ADGRB2: variants seen among roughly 807,000 people sequenced by gnomAD.
ADGRB2 encodes the protein adhesion G protein-coupled receptor B2.
In ADGRB2, 47 loss-of-function variants were observed where a neutral mutation model predicts 178.7. The ratio of observed to expected loss-of-function variants is 0.26; its 90% confidence interval spans 0.21 to 0.34. ADGRB2 has a LOEUF of 0.34. Among genes scored for constraint, ADGRB2 ranks in the 10% least tolerant of loss-of-function variants. ADGRB2 has a pLI of 1.00. For synonymous variants in ADGRB2, 870 were observed against 912.4 expected (o/e 0.95, Z 0.84); for missense variants, 1,584 against 2,180.8 (o/e 0.73, Z 5.45).
At chr1:31,732,451 G>A in intron 27 of ADGRB2, 66 bp downstream of exon 27, 1 of 1,559,000 alleles carries the variant, frequency 6.4e-7, no homozygotes. Context: ...AAATGGTCTA[G>A]GGCAGGAGGA....
chr1:31,739,041 A>C, intron 15 of ADGRB2, 104 bp from the exon 16 acceptor site: 1 of 1,081,726 alleles, frequency 9.2e-7, no homozygotes, highest in East Asian at 2.4e-5. Flanking sequence ...CAAGGAGCCA[A>C]GGCCCAGGGG....
chr1:31,729,640 C>T (rs1645175870), intron 29 of ADGRB2, among the ~76,000 whole-genome samples: 1 of 152,210 alleles, frequency 6.6e-6, no homozygotes, highest in South Asian at 2.1e-4. Context: ...TAATTCCCTA[C>T]CCAGACCTGT....
Position 31,753,024 on chromosome 1 carries a change from C to T in ADGRB2, c.838+2975G>A, listed in dbSNP as rs534752283. On this transcript the variant is annotated intron_variant, in intron 4 of 32. Coordinates refer to ENST00000373658, the MANE Select transcript of ADGRB2 (RefSeq NM_001364857.2). The surrounding 1 kb of genome is among the most constrained non-coding windows in gnomAD (Gnocchi z 4.1). ...GCCAAGGAGAGAGGCGTGCATGAGG[C>T]GGGGTTCTTTCTCCCAAGTATCACT... is the stretch of plus-strand genomic sequence containing the variant. Among the ~76,000 whole-genome samples the T allele has an allele frequency of 1.8e-4, 27 of 152,248 alleles. No individual in the cohort carries two copies. The East Asian group carries it at 5.0e-3, about 28-fold the overall frequency.
chr1:31,739,667 C>A, intron 14 of ADGRB2, 32 bp from the exon 15 acceptor site: 1 of 1,544,578 alleles, frequency 6.5e-7, no homozygotes, highest in Non-Finnish European at 8.7e-7. Context: ...CAGAGACAGA[C>A]AGAGGGGCAG....
At chr1:31,745,864 G>A (rs1210000879) in intron 4 of ADGRB2, among the ~76,000 whole-genome samples, 1 of 152,140 alleles carries the variant, frequency 6.6e-6, no homozygotes, top group Non-Finnish European at 1.5e-5. Flanking sequence ...CCAAGCATGA[G>A]GAGCAGCCAC....
chr1:31,756,635 T>C lies in ADGRB2; in HGVS notation c.202A>G (p.Thr68Ala). Residue 68 changes from threonine (T) to alanine (A), a missense_variant, in exon 4 of 33, where the codon ACC becomes GCC. Transcript: ENST00000373658. This position sits in a 1 kb window ranked among gnomAD's most constrained non-coding sequence, Gnocchi z 8.5. ...FPTIASGCSW[T>A]LENPDPTKYS... is the part of the protein sequence containing the mutation. ...TTGGTGGGGTCAGGGTTCTCCAGGG[T>C]CCAGGAGCAGCCCGAGGCGATGGTA... 3 of 1,608,130 alleles carry C rather than the reference T, an allele frequency of 1.9e-6. No homozygotes were observed. The highest frequency in any genetic ancestry group is 2.5e-6 in the Non-Finnish European group (3 of 1,176,902).
chr1:31,728,586 CAT>C lies in ADGRB2; in HGVS notation c.4416+10_4416+11del. On this transcript the variant is annotated intron_variant, in intron 30 of 32. Coordinates refer to ENST00000373658, the MANE Select transcript of ADGRB2 (RefSeq NM_001364857.2). The surrounding 1 kb of genome is among the most constrained non-coding windows in gnomAD (Gnocchi z 6.7). Reference sequence around the variant, plus strand: ...CAGATGTCCCACCGCCCAGCACACACATGGCCCTTACCTCAAAGTCCAGGTCT... The same window carrying C: ...CAGATGTCCCACCGCCCAGCACACACGGCCCTTACCTCAAAGTCCAGGTCT... 6.8e-6 allele frequency: 11 copies of C among 1,614,114 alleles called. No homozygotes were observed. Among genetic ancestry groups the C allele is most frequent in the Non-Finnish European group, 8.5e-6 (10 of 1,180,000 alleles).
rs72887385 is a variant in ADGRB2 at position 31,755,908 on chromosome 1, A to G, written c.838+91T>C. Reference sequence around the variant, plus strand: ...AGAGGGGTGACATCAGTGAACAGCTACATGCATGGCCGAGGATCTGCCAGG... The same window carrying G: ...AGAGGGGTGACATCAGTGAACAGCTGCATGCATGGCCGAGGATCTGCCAGG... On this transcript the variant is annotated intron_variant, in intron 4 of 32. Coordinates refer to ENST00000373658, the MANE Select transcript of ADGRB2 (RefSeq NM_001364857.2). This position sits in a 1 kb window ranked among gnomAD's most constrained non-coding sequence, Gnocchi z 5.1. The G allele has an allele frequency of 4.8e-3, 7,193 of 1,496,326 alleles. 298 individuals are homozygous for G. The African/African-American group carries it at 0.089, about 19-fold the overall frequency. 92.7% of individuals were successfully genotyped at this position (1,496,326 alleles called of 1,614,324 possible). A position where few individuals can be genotyped will look rare whatever the true frequency, so the allele number is the denominator to read the frequency against.
intron 21 of ADGRB2, 45 bp downstream of exon 21, chr1:31,736,528 G>T (rs1265243475): frequency 6.2e-7 from 1 of 1,602,626 alleles, no homozygotes; most frequent in East Asian, 2.2e-5. Flanking sequence ...TGCTGCCCCT[G>T]CCCACCAAGG....
rs1259312141 is a variant in ADGRB2, at chr1:31,744,264, G to A, written c.1016C>T (p.Ser339Phe). The A allele has an allele frequency of 6.4e-7, 1 of 1,551,294 alleles. No individual in the cohort carries two copies. The part of the protein sequence containing the change: ...LQVRTRSCVS[S>F]PYGTLCSGPL... ...CCCGCTGCACAGGGTCCCATAGGGG[G>A]AGGACACACAGGAGCGGGTCCGCAC... The change falls in exon 6 of 33, where the codon TCC (serine) becomes TTC (phenylalanine). Residue 339 changes from serine (S) to phenylalanine (F), a missense_variant. By Grantham distance (155) the Ser-to-Phe change is radical. Transcript: ENST00000373658. The surrounding 1 kb of genome is among the most constrained non-coding windows in gnomAD (Gnocchi z 6.7).
In ADGRB2 at chr1:31,761,851, T is replaced by C. The variant is rs1647049858; in HGVS notation, c.-191+2033A>G. Among the ~76,000 whole-genome samples the C allele has an allele frequency of 6.6e-6, 1 of 152,088 alleles. No individual in the cohort carries two copies. The highest frequency in any genetic ancestry group is 2.1e-4 in the South Asian group (1 of 4,822). On this transcript the variant is annotated intron_variant, in intron 1 of 32. Transcript: ENST00000373658. This position sits in a 1 kb window ranked among gnomAD's most constrained non-coding sequence, Gnocchi z 4.2. ...AAACAGCCCCACACCCCTATCAATATTGAGCATTGCTAGGTGCCAGACACT... is the reference window on the plus strand; with the variant it reads ...AAACAGCCCCACACCCCTATCAATACTGAGCATTGCTAGGTGCCAGACACT...
Position 31,735,909 on chromosome 1 carries a change from A to G in ADGRB2, c.3201-16T>C. The G allele has an allele frequency of 1.3e-6, 2 of 1,576,114 alleles. No individual in the cohort carries two copies. Among genetic ancestry groups the G allele is most frequent in the Non-Finnish European group, 1.7e-6 (2 of 1,160,756 alleles). On this transcript the variant is annotated splice_polypyrimidine_tract_variant and intron_variant, in intron 22 of 32. Transcript: ENST00000373658. This position sits in a 1 kb window ranked among gnomAD's most constrained non-coding sequence, Gnocchi z 6.0. ...GAGCCAGCAGCTGGGGTGGGGGAGAAGAAGGGTGTCAGACACCCAGCAGCC... is the reference window on the plus strand; with the variant it reads ...GAGCCAGCAGCTGGGGTGGGGGAGAGGAAGGGTGTCAGACACCCAGCAGCC...
Position 31,738,285 on chromosome 1 carries a change from G to T in ADGRB2, c.2687C>A (p.Thr896Asn), listed in dbSNP as rs765300646. Reference protein sequence around the residue: ...SGDWDTENCQTLETQAAHTRC... With the variant: ...SGDWDTENCQNLETQAAHTRC... Reference sequence around the variant, plus strand: ...GGTGTGAGCTGCCTGGGTCTCCAGGGTCTGGCAATTTTCAGTGTCCCAGTC... The same window carrying T: ...GGTGTGAGCTGCCTGGGTCTCCAGGTTCTGGCAATTTTCAGTGTCCCAGTC... Residue 896 changes from threonine (T) to asparagine (N), a missense_variant, in exon 18 of 33, where the codon ACC (threonine) becomes AAC (asparagine). Transcript: ENST00000373658. 2 of 1,613,984 alleles carry T rather than the reference G, an allele frequency of 1.2e-6. No homozygotes were observed. The highest frequency in any genetic ancestry group is 2.2e-5 in the East Asian group (1 of 44,890).
At chr1:31,730,662 CAG>C in intron 29 of ADGRB2, 136 bp downstream of exon 29, 2 of 1,191,988 alleles carry the variant, frequency 1.7e-6, no homozygotes, top group Non-Finnish European at 2.2e-6. Context: ...TGAGCAGAAA[CAG>C]AGAAATGCTC....
chr1:31,757,983 T>C (rs928953247), intron 1 of ADGRB2, among the ~76,000 whole-genome samples: 5 of 152,150 alleles, frequency 3.3e-5, no homozygotes, highest in African/African-American at 1.2e-4. Context: ...GGGTAAGGGC[T>C]GAGGATGGGG....
Position 31,759,232 on chromosome 1 carries a change from C to A in ADGRB2, c.-190-1721G>T. 1 of 766,462 alleles carries A rather than the reference C, an allele frequency of 1.3e-6. No homozygotes were observed. The highest frequency in any genetic ancestry group is 2.4e-6 in the Non-Finnish European group (1 of 408,300). The allele number at this position is 766,462 out of a possible 1,614,324, so 47.5% of individuals were successfully genotyped here. The stretch of plus-strand genomic sequence containing the variant: ...ACAGATTCATGCTGTCACACACACT[C>A]AGGAGTTAACACGCACACACAGGGG... On this transcript the variant is annotated intron_variant, in intron 1 of 32. Coordinates refer to ENST00000373658, the MANE Select transcript of ADGRB2 (RefSeq NM_001364857.2). This position sits in a 1 kb window ranked among gnomAD's most constrained non-coding sequence, Gnocchi z 4.3.
chr1:31,740,061 C>T lies in ADGRB2; in HGVS notation c.2059-27G>A, dbSNP rs1331353214. ...TGGGGACAGAAAGTGTGTAAGGGTC[C>T]AAGGCAGGGTGGGTCACGGGAGGAG... On this transcript the variant is annotated intron_variant, in intron 13 of 32. Transcript: ENST00000373658. This position sits in a 1 kb window ranked among gnomAD's most constrained non-coding sequence, Gnocchi z 5.9. 1 of 1,614,138 alleles carries T rather than the reference C, an allele frequency of 6.2e-7. No homozygotes were observed. The highest frequency in any genetic ancestry group is 2.2e-5 in the East Asian group (1 of 44,870).
chr1:31,738,433 A>T, intron 17 of ADGRB2, 107 bp from the exon 18 acceptor site: 2 of 1,558,010 alleles, frequency 1.3e-6, no homozygotes, highest in Non-Finnish European at 1.7e-6. Flanking sequence ...GGCCACATCC[A>T]CGAGGCAACA....
chr1:31,757,005 T>C (rs1005550350), intron 3 of ADGRB2, among the ~76,000 whole-genome samples, 190 bp from the exon 4 acceptor site: 2 of 152,158 alleles, frequency 1.3e-5, no homozygotes, highest in Non-Finnish European at 2.9e-5. Flanking sequence ...ACCTGTAAAA[T>C]GGACCAATGA....
Sources: gnomAD v4.1 joint callset for allele counts (sites outside exome capture counted in the v4.1 genomes callset) on GRCh38, gnomAD v4.1.1 for gene constraint, Gnocchi (gnomAD v3.1) non-coding constraint, MANE v1.5 for transcripts, NCBI Gene and HGNC (gene_info 2026-07-23, HGNC 2026-07-21) for gene names.